Variants in CHN2 observed in about 807,000 individuals in gnomAD.
CHN2 encodes the protein chimerin 2, also known as beta-chimaerin.
CHN2 carries 35 observed loss-of-function variants against 56.3 expected under a neutral mutation model. That is an observed-to-expected ratio of 0.62 (90% CI 0.47 to 0.82). The LOEUF is 0.82. Among genes scored for constraint, CHN2 ranks in the 40% least tolerant of loss-of-function variants. The pLI, the probability that CHN2 is intolerant of heterozygous loss-of-function variation, is 0.00. For synonymous variants in CHN2, 210 were observed against 212.8 expected (o/e 0.99, Z 0.12); for missense variants, 491 against 580.5 (o/e 0.85, Z 1.58).
At chr7:29,454,780 C>T (rs1294042678) in intron 6 of CHN2, among the ~76,000 whole-genome samples, 1 of 152,114 alleles carries the variant, frequency 6.6e-6, no homozygotes, top group Non-Finnish European at 1.5e-5. Context: ...ACCATGGCTA[C>T]GTGACTACGT....
chr7:29,174,274 G>T (rs190198867), intron 2 of CHN2, among the ~76,000 whole-genome samples: 1 of 152,206 alleles, frequency 6.6e-6, no homozygotes, highest in Non-Finnish European at 1.5e-5. Context: ...TGCCTCTGGA[G>T]GGGGGCCAGC....
chr7:29,226,103 GAC>G (rs1184838775), intron 1 of CHN2, among the ~76,000 whole-genome samples: 6 of 152,138 alleles, frequency 3.9e-5, no homozygotes, highest in African/African-American at 1.4e-4. Context: ...TATCTTTTGA[GAC>G]ATAAATTCTC....
intron 2 of CHN2, among the ~76,000 whole-genome samples, chr7:29,357,651 A>G (rs78003407): frequency 0.018 from 2,677 of 152,278 alleles, 86 homozygotes; most frequent in African/African-American, 0.059. Flanking sequence ...CTGGTAACAA[A>G]ATGCTACTCC....
intron 1 of CHN2, among the ~76,000 whole-genome samples, chr7:29,312,850 C>G (rs1023248526): frequency 9.2e-5 from 14 of 151,888 alleles, no homozygotes; most frequent in African/African-American, 2.9e-4. Flanking sequence ...TGCAAAATAC[C>G]AGCTTAAAAT....
chr7:29,298,180 A>G (rs1047153868), intron 1 of CHN2, among the ~76,000 whole-genome samples: 1 of 152,202 alleles, frequency 6.6e-6, no homozygotes, highest in East Asian at 1.9e-4. Flanking sequence ...GGAGTTCCCC[A>G]GACCTCATTT....
intron 1 of CHN2, among the ~76,000 whole-genome samples, chr7:29,278,748 C>T (rs1469383050): frequency 6.6e-6 from 1 of 152,198 alleles, no homozygotes; most frequent in South Asian, 2.1e-4. Flanking sequence ...GTTGGAAATC[C>T]GGCCATGAAC....
At chr7:29,178,389 C>T (rs1400460661) in intron 2 of CHN2, among the ~76,000 whole-genome samples, 4 of 152,124 alleles carry the variant, frequency 2.6e-5, no homozygotes, top group African/African-American at 4.8e-5. Flanking sequence ...CCTCTGCGTG[C>T]GGTTTCATTC....
intron 1 of CHN2, among the ~76,000 whole-genome samples, chr7:29,238,389 C>T (rs552478226): frequency 6.6e-6 from 1 of 152,194 alleles, no homozygotes; most frequent in African/African-American, 2.4e-5. Flanking sequence ...TGTCATCAGG[C>T]AGACCATTAA....
chr7:29,150,800 G>C (rs928308117), intron 2 of CHN2, among the ~76,000 whole-genome samples: 2 of 152,104 alleles, frequency 1.3e-5, no homozygotes, highest in African/African-American at 4.8e-5. Flanking sequence ...GGGGCCACCG[G>C]GTAGCCTGGA....
At chr7:29,508,799 A>C (rs1030553970) in intron 11 of CHN2, among the ~76,000 whole-genome samples, 2 of 152,218 alleles carry the variant, frequency 1.3e-5, no homozygotes, top group African/African-American at 4.8e-5. Flanking sequence ...CACGGTGAGA[A>C]GTGCCATGAG....
At chr7:29,216,359 G>A (rs1388929625) in intron 1 of CHN2, among the ~76,000 whole-genome samples, 1 of 152,186 alleles carries the variant, frequency 6.6e-6, no homozygotes. Flanking sequence ...GACAAGGTTG[G>A]AAGCTTGCCA....
chr7:29,362,223 C>T (rs1188971390), intron 2 of CHN2, among the ~76,000 whole-genome samples: 2 of 152,164 alleles, frequency 1.3e-5, no homozygotes, highest in African/African-American at 4.8e-5. Context: ...AAAACTACAG[C>T]CTTTGGGTTT....
chr7:29,337,298 A>T (rs1430248391), intron 1 of CHN2, among the ~76,000 whole-genome samples: 3 of 152,178 alleles, frequency 2.0e-5, no homozygotes, highest in Non-Finnish European at 2.9e-5. Context: ...CTAACTATTA[A>T]GGAAAGGTTT....
intron 1 of CHN2, among the ~76,000 whole-genome samples, chr7:29,282,770 A>G (rs1791825394): frequency 6.6e-6 from 1 of 152,236 alleles, no homozygotes; most frequent in Admixed American, 6.5e-5. Flanking sequence ...TACTAACAAA[A>G]AGAACAAATG....
chr7:29,501,747 C>T (rs1472233236), intron 9 of CHN2, among the ~76,000 whole-genome samples: 4 of 152,154 alleles, frequency 2.6e-5, no homozygotes, highest in Non-Finnish European at 5.9e-5. Context: ...GCATTCCCAG[C>T]TGTGGGGCCA....
chr7:29,336,389 C>G (rs2128908875), intron 1 of CHN2, among the ~76,000 whole-genome samples: 1 of 152,228 alleles, frequency 6.6e-6, no homozygotes, highest in East Asian at 1.9e-4. Flanking sequence ...GGGTGAGGAT[C>G]ACTTGAGCCC....
chr7:29,306,645 T>A (rs1378517752), intron 1 of CHN2, among the ~76,000 whole-genome samples: 1 of 152,212 alleles, frequency 6.6e-6, no homozygotes, highest in African/African-American at 2.4e-5. Context: ...CAGGAACAAA[T>A]GTCCAGGGAA....
In CHN2 at chr7:29,221,903, A is replaced by G. The variant is rs144137886; in HGVS notation, c.49+26913A>G. Among the ~76,000 whole-genome samples, 884 of 152,282 alleles carry G rather than the reference A, an allele frequency of 5.8e-3. 9 individuals are homozygous for G. The highest frequency in any genetic ancestry group is 0.017 in the South Asian group (84 of 4,834). On this transcript the variant is annotated intron_variant, in intron 1 of 12. Transcript: ENST00000222792. ...TGATTCCATGTCTTTGCTGTTGTGA[A>G]TAGTGCTGCAGTGAACATACGCATG...
chr7:29,160,174 G>A (rs1794982691), intron 2 of CHN2, among the ~76,000 whole-genome samples: 2 of 152,270 alleles, frequency 1.3e-5, no homozygotes, highest in South Asian at 4.1e-4. Flanking sequence ...ATCTTACTCA[G>A]TTTGCTACTT....
Sources: allele counts gnomAD v4.1 joint callset (sites outside exome capture counted in the v4.1 genomes callset), GRCh38; gene constraint gnomAD v4.1.1; transcripts MANE v1.5; gene names NCBI Gene and HGNC (gene_info 2026-07-23, HGNC 2026-07-21).